The following USP9Y variants were observed in gnomAD, a reference collection of about 807,000 sequenced individuals.
USP9Y encodes the protein ubiquitin carboxyl-terminal hydrolase 9Y.
In USP9Y, 41 loss-of-function variants were observed where a neutral mutation model predicts 53.1. The observed-to-expected ratio is 0.77, with a 90% CI of 0.60 to 1.00. The LOEUF is 1.00. Among genes scored for constraint, USP9Y ranks in the 50% least tolerant of loss-of-function variants. USP9Y has a pLI of 0.00. For missense variants in USP9Y, 567 were observed against 535.8 expected (o/e 1.06, Z -0.58); for synonymous variants, 220 against 173.7 (o/e 1.27, Z -2.09).
At chrY:12,823,358 AAT>A (rs2053543686) in intron 33 of USP9Y, among the ~76,000 whole-genome samples, 1 of 32,880 alleles carries the variant, frequency 3.0e-5, no homozygotes, top group African/African-American at 1.2e-4. Context: ...TGTCTAGGAG[AAT>A]TACTGTGTCA....
intron 15 of USP9Y, among the ~76,000 whole-genome samples, chrY:12,763,870 A>G: frequency 6.6e-5 from 2 of 30,248 alleles, no homozygotes; most frequent in Non-Finnish European, 1.6e-4. Context: ...ACAAAGTTTC[A>G]TCCTGTTGGT....
At chrY:12,728,180 G>A (rs368692554) in intron 7 of USP9Y, among the ~76,000 whole-genome samples, 139 of 32,594 alleles carry the variant, frequency 4.3e-3, no homozygotes, top group African/African-American at 0.015. Flanking sequence ...ATCAATATTT[G>A]TATGTTGAAG....
At chrY:12,761,461 G>T in intron 15 of USP9Y, among the ~76,000 whole-genome samples, 2 of 33,624 alleles carry the variant, frequency 5.9e-5, no homozygotes, top group Non-Finnish European at 1.5e-4. Context: ...TTTCGTATAT[G>T]CTATGTGGAG....
chrY:12,727,713 T>TCA (rs1477283909), intron 7 of USP9Y, among the ~76,000 whole-genome samples: 87 of 30,871 alleles, frequency 2.8e-3, no homozygotes, highest in Middle Eastern at 0.015. Context: ...GTGCGTGTGC[T>TCA]CACACACACA....
chrY:12,834,153 A>G lies in USP9Y; in HGVS notation c.5195+292A>G, dbSNP rs752541933. Among the ~76,000 whole-genome samples, 17 of 33,130 alleles carry G rather than the reference A, an allele frequency of 5.1e-4. No homozygotes were observed. In the East Asian group the frequency reaches 0.013, roughly 26 times the overall value. The allele number at this position is 33,130 out of a possible 37,273, so 88.9% of individuals were successfully genotyped here. A position where few individuals can be genotyped will look rare whatever the true frequency, so the allele number is the denominator to read the frequency against. On this transcript the variant is annotated intron_variant, in intron 34 of 45. Coordinates refer to ENST00000338981, the MANE Select transcript of USP9Y (RefSeq NM_004654.4). ...TTCTTTAAATAGACATTTTCTTTTTATGTTCTAACTAGCAATCAGAATATT... is the reference window on the plus strand; with the variant it reads ...TTCTTTAAATAGACATTTTCTTTTTGTGTTCTAACTAGCAATCAGAATATT...
chrY:12,724,052 A>G, intron 5 of USP9Y, among the ~76,000 whole-genome samples: 1 of 33,322 alleles, frequency 3.0e-5, no homozygotes, highest in Non-Finnish European at 7.4e-5. Flanking sequence ...TGTACTAGGT[A>G]TGTTCTAGGG....
intron 12 of USP9Y, among the ~76,000 whole-genome samples, chrY:12,745,664 C>T: frequency 3.0e-5 from 1 of 33,820 alleles, no homozygotes; most frequent in South Asian, 6.6e-4. Context: ...ACGCAAACAA[C>T]CATATTATAA....
intron 15 of USP9Y, among the ~76,000 whole-genome samples, chrY:12,761,000 G>A: frequency 8.8e-5 from 3 of 34,233 alleles, no homozygotes; most frequent in Admixed American, 7.8e-4. Context: ...CTCACTCTGT[G>A]GCCCAGGCCA....
intron 24 of USP9Y, among the ~76,000 whole-genome samples, chrY:12,787,880 A>G (rs2053503669): frequency 6.0e-5 from 2 of 33,533 alleles, no homozygotes; most frequent in East Asian, 1.5e-3. Flanking sequence ...ATCTTTTTAC[A>G]TATTTCTTTC....
At position 12,856,394 on chromosome Y, in the gene USP9Y, A is replaced by C. The variant is rs776258396; in HGVS notation, c.7119A>C (p.Thr2373=). The C allele has an allele frequency of 2.5e-6, 1 of 395,635 alleles. No individual in the cohort carries two copies. Among genetic ancestry groups the C allele is most frequent in the African/African-American group, 6.4e-5 (1 of 15,614 alleles). Residue 2373 remains threonine (T), a synonymous_variant, in exon 43 of 46, where the codon ACA becomes ACC. Coordinates refer to ENST00000338981, the MANE Select transcript of USP9Y (RefSeq NM_004654.4). The part of the protein sequence containing the change: ...IPDDRDGLFD[T]IQRSKNHYQK... The stretch of plus-strand genomic sequence containing the variant: ...ATGACAGAGATGGGCTGTTCGATAC[A>C]ATACAGCGCTCGAAGAATCACTATC...
chrY:12,790,437 G>A lies in USP9Y; in HGVS notation c.3592G>A (p.Val1198Met). 1 of 396,492 alleles carries A rather than the reference G, an allele frequency of 2.5e-6. No individual in the cohort carries two copies. Among genetic ancestry groups the A allele is most frequent in the Non-Finnish European group, 3.5e-6 (1 of 281,762 alleles). ...CCAAGTTACTCATGATCAAGCAGTGGTGCTACAAAGTGCCCTTCAGAGCAT... is the reference window on the plus strand; with the variant it reads ...CCAAGTTACTCATGATCAAGCAGTGATGCTACAAAGTGCCCTTCAGAGCAT... ...INQVTHDQAV[V>M]LQSALQSIPN... Residue 1198 changes from valine to methionine, a missense_variant, in exon 25 of 46, where the codon GTG (valine) becomes ATG (methionine). Val to Met is a conservative substitution (Grantham distance 21, BLOSUM62 1). Transcript: ENST00000338981.
At chrY:12,742,466 G>A (rs2053457479) in intron 12 of USP9Y, among the ~76,000 whole-genome samples, 1 of 32,837 alleles carries the variant, frequency 3.0e-5, no homozygotes, top group African/African-American at 1.2e-4. Flanking sequence ...AGTGCTGATT[G>A]GTATGATTTT....
At chrY:12,821,409 T>C in intron 33 of USP9Y, among the ~76,000 whole-genome samples, 4 of 32,957 alleles carry the variant, frequency 1.2e-4, no homozygotes, top group Non-Finnish European at 3.0e-4. Context: ...TAGACCATGT[T>C]TTATTTATCC....
chrY:12,854,496 G>A (rs756115202), intron 42 of USP9Y, among the ~76,000 whole-genome samples: 1 of 33,779 alleles, frequency 3.0e-5, no homozygotes, highest in Admixed American at 2.7e-4. Context: ...TCCGTCTCCC[G>A]GATTCAAGTG....
chrY:12,719,523 A>G (rs2053433392), intron 3 of USP9Y, among the ~76,000 whole-genome samples: 1 of 33,882 alleles, frequency 3.0e-5, no homozygotes, highest in South Asian at 6.4e-4. Flanking sequence ...AAATTATTAG[A>G]ACCTAAATTG....
intron 27 of USP9Y, among the ~76,000 whole-genome samples, chrY:12,800,129 G>A (rs2053517689): frequency 3.0e-5 from 1 of 33,646 alleles, no homozygotes; most frequent in Non-Finnish European, 7.4e-5. Flanking sequence ...CAGGCTAGAG[G>A]CTTGCTACTG....
chrY:12,748,047 C>T (rs2053461730), intron 12 of USP9Y, among the ~76,000 whole-genome samples: 1 of 32,843 alleles, frequency 3.0e-5, no homozygotes, highest in African/African-American at 1.2e-4. Flanking sequence ...CCCAGCTACT[C>T]GAGAAGCTGA....
At chrY:12,730,134 A>G (rs2053446038) in intron 7 of USP9Y, among the ~76,000 whole-genome samples, 1 of 32,725 alleles carries the variant, frequency 3.1e-5, no homozygotes, top group African/African-American at 1.2e-4. Flanking sequence ...TAGTGGAGAC[A>G]GAGTTTCACC....
chrY:12,791,524 G>A lies in USP9Y; in HGVS notation c.3713G>A (p.Cys1238Tyr). 2.5e-6 allele frequency: 1 copy of A among 393,783 alleles called. No homozygotes were observed. Among genetic ancestry groups the A allele is most frequent in the Non-Finnish European group, 3.6e-6 (1 of 279,925 alleles). Residue 1238 changes from cysteine to tyrosine, a missense_variant, in exon 26 of 46, where the codon TGT becomes TAT. Cys to Tyr is a radical substitution (Grantham distance 194, BLOSUM62 -2). Coordinates refer to ENST00000338981, the MANE Select transcript of USP9Y (RefSeq NM_004654.4). Reference sequence around the variant, plus strand: ...GCTTCAAGATATATGCCTGATATTTGTGTAATTAGGGCTATACAGAAAATT... The same window carrying A: ...GCTTCAAGATATATGCCTGATATTTATGTAATTAGGGCTATACAGAAAATT... ...NEASRYMPDI[C>Y]VIRAIQKIIW...
Sources: gnomAD v4.1 joint callset for allele counts (sites outside exome capture counted in the v4.1 genomes callset) on GRCh38, gnomAD v4.1.1 for gene constraint, MANE v1.5 for transcripts, NCBI Gene and HGNC (gene_info 2026-07-23, HGNC 2026-07-21) for gene names.